Variants in HAUS1 observed in about 807,000 individuals in gnomAD.
The protein encoded by HAUS1 is HAUS augmin-like complex subunit 1.
Under a neutral mutation model 38.6 loss-of-function variants are expected in HAUS1, and 25 were observed. The ratio of observed to expected loss-of-function variants is 0.65; its 90% CI spans 0.47 to 0.91. HAUS1 has a LOEUF of 0.91. Among genes scored for constraint, HAUS1 ranks in the 40% least tolerant of loss-of-function variants. The probability of loss-of-function intolerance (pLI) is 0.00; values close to 1 mark genes in which losing one functional copy is unlikely to be tolerated. For synonymous variants in HAUS1, 109 were observed against 112.9 expected (o/e 0.97, Z 0.22); for missense variants, 325 against 328.4 (o/e 0.99, Z 0.08).
chr18:46,119,564 A>T (rs1210867718), intron 3 of HAUS1, among the ~76,000 whole-genome samples: 1 of 152,178 alleles, frequency 6.6e-6, no homozygotes, highest in African/African-American at 2.4e-5. Flanking sequence ...TACGATAGTA[A>T]CTTCCTTAAA....
At chr18:46,108,828 T>G (rs919416542) in intron 2 of HAUS1, among the ~76,000 whole-genome samples, 12 of 152,012 alleles carry the variant, frequency 7.9e-5, no homozygotes, top group African/African-American at 2.9e-4. Context: ...TCCCAGCACT[T>G]TGGGAGGCCG....
Position 46,112,864 on chromosome 18 carries a change from A to G in HAUS1, c.206-5317A>G, listed in dbSNP as rs1911685620. 1.8e-4 allele frequency among the ~76,000 whole-genome samples: 19 copies of G among 106,184 alleles called. 1 individual carries two copies. In the South Asian group the frequency reaches 4.8e-3, roughly 27 times the overall value. The allele number at this position is 106,184 out of a possible 152,430, so 69.7% of individuals were successfully genotyped here. A position where few individuals can be genotyped will look rare whatever the true frequency, so the allele number is the denominator to read the frequency against. ...TGTGTATATATATTCCATATTACAT[A>G]TATATAATATATATAATGTGTATAT... On this transcript the variant is annotated intron_variant, in intron 2 of 8. Transcript: ENST00000282058.
intron 8 of HAUS1, among the ~76,000 whole-genome samples, chr18:46,127,158 G>A (rs1912132880): frequency 6.6e-6 from 1 of 150,968 alleles, no homozygotes; most frequent in Non-Finnish European, 1.5e-5. Flanking sequence ...TTTTAGTAGA[G>A]ACGGGGTTTC....
chr18:46,125,978 A>G, intron 8 of HAUS1, 187 bp downstream of exon 8: 3 of 476,712 alleles, frequency 6.3e-6, no homozygotes, highest in South Asian at 5.7e-5. Flanking sequence ...TATTTTTTCC[A>G]TTAAGAAACA....
intron 2 of HAUS1, among the ~76,000 whole-genome samples, chr18:46,113,567 C>T (rs1014411700): frequency 6.6e-6 from 1 of 152,012 alleles, no homozygotes; most frequent in Non-Finnish European, 1.5e-5. Flanking sequence ...ACCTCATGTT[C>T]CTTCTTTAAT....
At chr18:46,123,008 G>C (rs528173956) in intron 5 of HAUS1, among the ~76,000 whole-genome samples, 1 of 152,012 alleles carries the variant, frequency 6.6e-6, no homozygotes, top group Non-Finnish European at 1.5e-5. Flanking sequence ...TCAGGAGATC[G>C]AGACCATCCT....
intron 2 of HAUS1, among the ~76,000 whole-genome samples, chr18:46,113,378 A>G (rs1161558696): frequency 6.6e-6 from 1 of 151,978 alleles, no homozygotes; most frequent in Non-Finnish European, 1.5e-5. Context: ...TGCCCAGCCC[A>G]TAATATCTTT....
chr18:46,122,467 G>A lies in HAUS1; in HGVS notation c.477G>A (p.Glu159=). The change falls in exon 5 of 9, where the codon GAG becomes GAA. Residue 159 remains glutamate, a splice_region_variant and synonymous_variant. Coordinates refer to ENST00000282058, the MANE Select transcript of HAUS1 (RefSeq NM_138443.4). ...ATGTTTTTAATTTTGCTTTTTAAAGGGATGTCAAGAAAGCAGAGTTGCATC... is the reference window on the plus strand; with the variant it reads ...ATGTTTTTAATTTTGCTTTTTAAAGAGATGTCAAGAAAGCAGAGTTGCATC... ...ATLVLEKCLQ[E]DVKKAELHLS... 6.2e-7 allele frequency: 1 copy of A among 1,613,056 alleles called. No individual in the cohort carries two copies. The highest frequency in any genetic ancestry group is 8.5e-7 in the Non-Finnish European group (1 of 1,179,662).
At chr18:46,125,316 C>T (rs879868979) in intron 7 of HAUS1, among the ~76,000 whole-genome samples, 9 of 150,006 alleles carry the variant, frequency 6.0e-5, no homozygotes, top group Non-Finnish European at 1.2e-4. Context: ...TTTGGGAGGC[C>T]GAGACGGGCA....
At chr18:46,110,545 G>A (rs1056340755) in intron 2 of HAUS1, among the ~76,000 whole-genome samples, 1 of 151,596 alleles carries the variant, frequency 6.6e-6, no homozygotes, top group African/African-American at 2.4e-5. Flanking sequence ...GTTTCATCAT[G>A]TTCGCCAGGC....
intron 3 of HAUS1, among the ~76,000 whole-genome samples, chr18:46,119,117 C>T (rs1291115087): frequency 2.0e-5 from 3 of 152,170 alleles, no homozygotes; most frequent in Non-Finnish European, 4.4e-5. Context: ...GATCTACCCA[C>T]CTCTGCCTCC....
chr18:46,128,236 T>A lies in HAUS1; in HGVS notation c.*111T>A. 1.8e-6 allele frequency: 1 copy of A among 543,878 alleles called. No individual in the cohort carries two copies. The highest frequency in any genetic ancestry group is 3.2e-6 in the Non-Finnish European group (1 of 309,998). 33.7% of individuals were successfully genotyped at this position (543,878 alleles called of 1,614,324 possible). ...TAACAAAACTTTCTGTGTTCTTAGA[T>A]TACAGAATATCATAATTGATAGAAT... On this transcript the variant is annotated 3_prime_UTR_variant, in exon 9 of 9. Coordinates refer to ENST00000282058, the MANE Select transcript of HAUS1 (RefSeq NM_138443.4).
In HAUS1 at chr18:46,127,723, A is replaced by C. The variant is rs1002130540; in HGVS notation, c.787-352A>C. 3.7e-3 allele frequency among the ~76,000 whole-genome samples: 556 copies of C among 151,274 alleles called. 3 individuals are homozygous for C. The highest frequency in any genetic ancestry group is 0.012 in the African/African-American group (503 of 40,832). On this transcript the variant is annotated intron_variant, in intron 8 of 8. Transcript: ENST00000282058. ...ACTGCATCTCAAAAAAAAAAAAAAA[A>C]ACACAGAAAAGAGGTGATGTGAGTG...
chr18:46,127,960 T>A (rs543413442), intron 8 of HAUS1, 115 bp from the exon 9 acceptor site: 5 of 528,602 alleles, frequency 9.5e-6, no homozygotes, highest in African/African-American at 3.9e-5. Context: ...ATGGTATTTT[T>A]AAAATTTTTT....
In HAUS1 at chr18:46,125,693, G is replaced by C. The variant is rs369347972; in HGVS notation, c.739-51G>C. 6.4e-6 allele frequency: 8 copies of C among 1,248,856 alleles called. No individual in the cohort carries two copies. In the East Asian group the frequency reaches 7.0e-5, roughly 11 times the overall value. The allele number at this position is 1,248,856 out of a possible 1,614,324, so 77.4% of individuals were successfully genotyped here. A position where few individuals can be genotyped will look rare whatever the true frequency, so the allele number is the denominator to read the frequency against. On this transcript the variant is annotated intron_variant, in intron 7 of 8. Transcript: ENST00000282058. ...GGATTATGGCATTATTTTTCTCCTT[G>C]GGTCTGAATTGAGGCAATATAACCT...
Position 46,105,351 on chromosome 18 carries a change from G to C in HAUS1, c.188G>C (p.Ser63Thr). ...ATAGAGGACTTGAAGCAGAAAGCAA[G>C]TGAATACGAGTCAGAAGGTGAGATT... ...LVIEDLKQKA[S>T]EYESEAKYLQ... is the part of the protein sequence containing the mutation. The change falls in exon 2 of 9, where the codon AGT becomes ACT. Residue 63 changes from serine (S) to threonine (T), a missense_variant. Physicochemically the swap from Ser to Thr is moderately conservative, Grantham distance 58 (BLOSUM62 1). Transcript: ENST00000282058. 1.2e-6 allele frequency: 2 copies of C among 1,612,538 alleles called. No homozygotes were observed. The highest frequency in any genetic ancestry group is 1.7e-6 in the Non-Finnish European group (2 of 1,179,266).
At chr18:46,117,727 G>A (rs529113864) in intron 2 of HAUS1, among the ~76,000 whole-genome samples, 2 of 152,128 alleles carry the variant, frequency 1.3e-5, no homozygotes, top group South Asian at 4.2e-4. Context: ...GGCGGATCAC[G>A]AGGTCAGGAG....
At chr18:46,120,966 A>G (rs1911923504) in intron 4 of HAUS1, among the ~76,000 whole-genome samples, 1 of 152,200 alleles carries the variant, frequency 6.6e-6, no homozygotes, top group Non-Finnish European at 1.5e-5. Context: ...TTAAAGTCAC[A>G]TTATGTTTTG....
chr18:46,113,088 A>C (rs549329083), intron 2 of HAUS1, among the ~76,000 whole-genome samples: 40 of 78,648 alleles, frequency 5.1e-4, no homozygotes, highest in Non-Finnish European at 6.5e-4. Context: ...ATATATATAT[A>C]TATTTTTTGA....
Sources: allele counts gnomAD v4.1 joint callset (sites outside exome capture counted in the v4.1 genomes callset), GRCh38; gene constraint gnomAD v4.1.1; transcripts MANE v1.5; gene names NCBI Gene and HGNC (gene_info 2026-07-23, HGNC 2026-07-21).